The following CDK14 variants were observed in gnomAD, a reference collection of about 807,000 sequenced individuals.
CDK14 encodes cyclin dependent kinase 14, also known as cyclin-dependent kinase 14.
Under a neutral mutation model 60.7 loss-of-function variants are expected in CDK14, and 34 were observed. The observed-to-expected ratio is 0.56, with a 90% confidence interval of 0.43 to 0.75. The LOEUF (loss-of-function observed/expected upper bound fraction) is 0.75, where lower values mean the gene tolerates loss of function less well. Ranked by LOEUF, CDK14 falls within the 30% of genes least tolerant of loss-of-function variation. The pLI, the probability that CDK14 is intolerant of heterozygous loss-of-function variation, is 0.00. For synonymous variants in CDK14, 197 were observed against 203.7 expected (o/e 0.97, Z 0.28); for missense variants, 482 against 564.1 (o/e 0.85, Z 1.47).
intron 12 of CDK14, among the ~76,000 whole-genome samples, chr7:91,083,643 C>T (rs1395154635): frequency 6.6e-6 from 1 of 152,116 alleles, no homozygotes; most frequent in African/African-American, 2.4e-5. Flanking sequence ...ATCAAAACCC[C>T]CTAAACCCCT....
chr7:90,835,740 C>T (rs183203196), intron 5 of CDK14, among the ~76,000 whole-genome samples: 249 of 152,216 alleles, frequency 1.6e-3, no homozygotes, highest in African/African-American at 5.8e-3. Context: ...TCCTGCATCA[C>T]TTAATAACAG....
chr7:90,962,609 G>C (rs899414571), intron 9 of CDK14, among the ~76,000 whole-genome samples: 1 of 152,058 alleles, frequency 6.6e-6, no homozygotes, highest in Non-Finnish European at 1.5e-5. Context: ...TCATTTATTG[G>C]CAATAAATTA....
chr7:90,903,041 A>G (rs925563758), intron 7 of CDK14, among the ~76,000 whole-genome samples: 3 of 152,198 alleles, frequency 2.0e-5, no homozygotes, highest in African/African-American at 7.2e-5. Context: ...GTGAAATTCC[A>G]TCTTACCCCA....
intron 3 of CDK14, among the ~76,000 whole-genome samples, chr7:90,745,274 TA>T (rs1803544508): frequency 6.6e-6 from 1 of 152,212 alleles, no homozygotes; most frequent in Non-Finnish European, 1.5e-5. Flanking sequence ...CTGTGGGTAA[TA>T]AAATTGTTGT....
At chr7:90,712,014 G>A (rs1802082243) in intron 2 of CDK14, among the ~76,000 whole-genome samples, 1 of 150,982 alleles carries the variant, frequency 6.6e-6, no homozygotes, top group African/African-American at 2.4e-5. Context: ...ATTAGCCACT[G>A]CACGCAGCTA....
At chr7:90,697,784 T>G (rs977314677) in intron 2 of CDK14, among the ~76,000 whole-genome samples, 7 of 152,008 alleles carry the variant, frequency 4.6e-5, no homozygotes, top group Admixed American at 2.0e-4. Flanking sequence ...AAAAAAGTGT[T>G]GCGGCCGGGC....
At chr7:90,755,144 C>T (rs1368158691) in intron 4 of CDK14, among the ~76,000 whole-genome samples, 1 of 152,122 alleles carries the variant, frequency 6.6e-6, no homozygotes, top group Non-Finnish European at 1.5e-5. Flanking sequence ...AATTGTTCTA[C>T]CAAAAAGACA....
chr7:90,959,237 A>C (rs1359615225), intron 9 of CDK14, among the ~76,000 whole-genome samples: 1 of 152,164 alleles, frequency 6.6e-6, no homozygotes, highest in African/African-American at 2.4e-5. Flanking sequence ...ACCAAATAGC[A>C]AATGTGTTAT....
At chr7:90,825,674 A>G (rs1789697929) in intron 5 of CDK14, among the ~76,000 whole-genome samples, 1 of 152,204 alleles carries the variant, frequency 6.6e-6, no homozygotes, top group Admixed American at 6.5e-5. Context: ...TACGAAATGT[A>G]TTTCTTACTA....
chr7:90,849,159 C>T (rs769040282), intron 5 of CDK14, among the ~76,000 whole-genome samples: 7 of 152,048 alleles, frequency 4.6e-5, no homozygotes, highest in South Asian at 2.1e-4. Flanking sequence ...GGTGCTCTTA[C>T]GGGGCAGTGA....
chr7:90,737,157 C>G (rs1006003111), intron 3 of CDK14, among the ~76,000 whole-genome samples: 4 of 152,182 alleles, frequency 2.6e-5, no homozygotes, highest in African/African-American at 9.7e-5. Flanking sequence ...CTCCTCTAAC[C>G]CAGCTGTGCT....
intron 1 of CDK14, among the ~76,000 whole-genome samples, chr7:90,598,762 T>C (rs1260283881): frequency 1.6e-5 from 2 of 126,408 alleles, no homozygotes; most frequent in East Asian, 5.0e-4. Flanking sequence ...TGGAGTGCAG[T>C]GGCGGGATCT....
chr7:90,656,250 A>T (rs1800748751), intron 2 of CDK14, among the ~76,000 whole-genome samples: 1 of 152,184 alleles, frequency 6.6e-6, no homozygotes. Context: ...TTCACTTATT[A>T]TTCAACATTT....
chr7:90,738,797 G>A (rs964434380), intron 3 of CDK14, among the ~76,000 whole-genome samples: 1 of 151,754 alleles, frequency 6.6e-6, no homozygotes, highest in Non-Finnish European at 1.5e-5. Flanking sequence ...GTTTGATCCA[G>A]TATCTTTATT....
intron 6 of CDK14, among the ~76,000 whole-genome samples, chr7:90,871,490 TG>T (rs935122331): frequency 6.6e-6 from 1 of 152,066 alleles, no homozygotes; most frequent in African/African-American, 2.4e-5. Context: ...ATATTCTAGA[TG>T]GGGTAAGGAA....
Position 91,118,054 on chromosome 7 carries a change from T to G in CDK14, c.1295-11T>G. On this transcript the variant is annotated splice_polypyrimidine_tract_variant and intron_variant, in intron 13 of 14. Transcript: ENST00000380050. ...AACTATATAAATGAAAACTTCATAT[T>G]CTGTCCACAGTGTCTTCTATTTTTA... The G allele has an allele frequency of 1.3e-6, 2 of 1,490,852 alleles. No homozygotes were observed. Among genetic ancestry groups the G allele is most frequent in the Non-Finnish European group, 1.9e-6 (2 of 1,073,152 alleles). 92.4% of individuals were successfully genotyped at this position (1,490,852 alleles called of 1,614,324 possible).
At chr7:91,026,734 A>G (rs1255243366) in intron 10 of CDK14, among the ~76,000 whole-genome samples, 1 of 152,160 alleles carries the variant, frequency 6.6e-6, no homozygotes, top group African/African-American at 2.4e-5. Flanking sequence ...TGTCTGCGTA[A>G]ATCAGTGCTT....
chr7:91,141,409 T>C (rs899429280), intron 14 of CDK14, among the ~76,000 whole-genome samples: 1 of 152,126 alleles, frequency 6.6e-6, no homozygotes, highest in East Asian at 1.9e-4. Context: ...AGTCTGGTGG[T>C]ATAAAGTAGA....
intron 14 of CDK14, among the ~76,000 whole-genome samples, chr7:91,166,764 C>T (rs1360099627): frequency 1.3e-5 from 2 of 152,126 alleles, no homozygotes; most frequent in African/African-American, 4.8e-5. Context: ...TCTGACTAGT[C>T]CCAACAACAC....
Sources: gnomAD v4.1 joint callset for allele counts (sites outside exome capture counted in the v4.1 genomes callset) on GRCh38, gnomAD v4.1.1 for gene constraint, MANE v1.5 for transcripts, NCBI Gene and HGNC (gene_info 2026-07-23, HGNC 2026-07-21) for gene names.